The following MTDH variants were observed in gnomAD, a reference collection of about 807,000 sequenced individuals.
The protein encoded by MTDH is metadherin, also known as protein LYRIC.
Under a neutral mutation model 72.7 loss-of-function variants are expected in MTDH, and 34 were observed. That is an observed-to-expected ratio of 0.47 (90% CI 0.36 to 0.62). The LOEUF (loss-of-function observed/expected upper bound fraction) is 0.62. Among genes scored for constraint, MTDH ranks in the 20% least tolerant of loss-of-function variants. MTDH has a pLI of 0.00. For synonymous variants in MTDH, 266 were observed against 268.9 expected, an observed-to-expected ratio of 0.99 and a Z score of 0.10; for missense variants, 677 against 699.4, an observed-to-expected ratio of 0.97 and a Z score of 0.36.
Position 97,706,734 on chromosome 8 carries a change from T to C in MTDH, c.1256T>C (p.Ile419Thr). Residue 419 changes from isoleucine to threonine, a missense_variant, in exon 8 of 12, where the codon ATT (isoleucine) becomes ACT (threonine). By Grantham distance (89) the Ile-to-Thr change is moderately conservative (BLOSUM62 -1). Transcript: ENST00000336273. The part of the protein sequence containing the change: ...RASLLKSQEP[I>T]PDDQKVSDDD... Reference sequence around the variant, plus strand: ...TCACTTCTAAAGTCCCAGGAACCAATTCCTGATGATCAAAAGGTGAGTATA... The same window carrying C: ...TCACTTCTAAAGTCCCAGGAACCAACTCCTGATGATCAAAAGGTGAGTATA... 1 of 1,613,488 alleles carries C rather than the reference T, an allele frequency of 6.2e-7. No homozygotes were observed. Among genetic ancestry groups the C allele is most frequent in the Non-Finnish European group, 8.5e-7 (1 of 1,179,758 alleles).
intron 6 of MTDH, among the ~76,000 whole-genome samples, chr8:97,692,234 A>C (rs1279202322): frequency 1.3e-5 from 2 of 152,184 alleles, no homozygotes; most frequent in African/African-American, 4.8e-5. Flanking sequence ...TTGAATATGC[A>C]TGTTTATGTC....
intron 2 of MTDH, among the ~76,000 whole-genome samples, chr8:97,671,916 C>T (rs896111838): frequency 6.6e-6 from 1 of 152,218 alleles, no homozygotes; most frequent in Admixed American, 6.5e-5. Flanking sequence ...TCGTGTGACC[C>T]AGAGGTTTGA....
At chr8:97,688,184 T>C (rs1813440440) in intron 4 of MTDH, among the ~76,000 whole-genome samples, 1 of 152,202 alleles carries the variant, frequency 6.6e-6, no homozygotes, top group Admixed American at 6.5e-5. Flanking sequence ...AGCCCACTCT[T>C]TAAATTACCG....
chr8:97,716,438 C>A (rs1268869762), intron 9 of MTDH, among the ~76,000 whole-genome samples: 1 of 151,546 alleles, frequency 6.6e-6, no homozygotes, highest in Non-Finnish European at 1.5e-5. Flanking sequence ...TGCCTGTAAT[C>A]CCAGCACCTG....
intron 2 of MTDH, among the ~76,000 whole-genome samples, chr8:97,664,549 C>T (rs1812302144): frequency 6.6e-6 from 1 of 152,118 alleles, no homozygotes; most frequent in African/African-American, 2.4e-5. Context: ...CAACTCATGG[C>T]TGGTGTTCTG....
At chr8:97,713,011 G>A (rs572226905) in intron 8 of MTDH, among the ~76,000 whole-genome samples, 3 of 152,212 alleles carry the variant, frequency 2.0e-5, no homozygotes, top group South Asian at 2.1e-4. Context: ...AAATTTTAAC[G>A]CAAATTGCAC....
At chr8:97,716,459 G>A (rs1586282219) in intron 9 of MTDH, among the ~76,000 whole-genome samples, 1 of 152,234 alleles carries the variant, frequency 6.6e-6, no homozygotes, top group Middle Eastern at 3.4e-3. Context: ...TGAGGCCGAG[G>A]CGGGTGGATC....
At chr8:97,647,068 A>G (rs1811592744) in intron 1 of MTDH, among the ~76,000 whole-genome samples, 1 of 152,208 alleles carries the variant, frequency 6.6e-6, no homozygotes, top group Non-Finnish European at 1.5e-5. Context: ...AAGAAGTACA[A>G]GCTGCCGTTT....
At chr8:97,648,334 C>T (rs956489139) in intron 1 of MTDH, among the ~76,000 whole-genome samples, 3 of 151,844 alleles carry the variant, frequency 2.0e-5, no homozygotes, top group African/African-American at 7.3e-5. Flanking sequence ...ACATCTACCT[C>T]AAAGTCTGTA....
In MTDH at chr8:97,688,681, C is replaced by T. The variant is rs186840415; in HGVS notation, c.746-357C>T. Among the ~76,000 whole-genome samples, 16 of 152,242 alleles carry T rather than the reference C, an allele frequency of 1.1e-4. No homozygotes were observed. In the South Asian group the frequency reaches 1.9e-3, roughly 18 times the overall value. ...GCTTCCAGGATTGTTGAAAAGGCAG[C>T]GGGTGTTGTTGAGAGGTGGCAAAGT... On this transcript the variant is annotated intron_variant, in intron 4 of 11. Coordinates refer to ENST00000336273, the MANE Select transcript of MTDH (RefSeq NM_178812.4).
At chr8:97,694,739 A>T (rs1046801838) in intron 6 of MTDH, among the ~76,000 whole-genome samples, 1 of 152,100 alleles carries the variant, frequency 6.6e-6, no homozygotes, top group South Asian at 2.1e-4. Context: ...CCTGGGCAAC[A>T]TGGTGAAACC....
At chr8:97,679,506 C>T (rs867450672) in intron 2 of MTDH, among the ~76,000 whole-genome samples, 1 of 152,072 alleles carries the variant, frequency 6.6e-6, no homozygotes, top group Admixed American at 6.6e-5. Context: ...AAATTAGTGT[C>T]GTATTTCAGT....
intron 6 of MTDH, among the ~76,000 whole-genome samples, chr8:97,697,150 A>ATATATATATTTTTTTTT: frequency 4.4e-5 from 3 of 68,780 alleles, no homozygotes; most frequent in African/African-American, 1.8e-4. Context: ...ATATATATAT[A>ATATATATATTTTTTTTT]TTTTTTTTTT....
At chr8:97,651,152 A>G (rs1811756103) in intron 1 of MTDH, among the ~76,000 whole-genome samples, 1 of 152,192 alleles carries the variant, frequency 6.6e-6, no homozygotes, top group African/African-American at 2.4e-5. Context: ...GGGAAAGTGC[A>G]AAATTAGGTC....
intron 2 of MTDH, among the ~76,000 whole-genome samples, chr8:97,681,133 A>C (rs1813052218): frequency 6.6e-6 from 1 of 152,190 alleles, no homozygotes; most frequent in South Asian, 2.1e-4. Flanking sequence ...CAGAAAAAAA[A>C]AATGAGTACA....
Position 97,728,809 on chromosome 8 carries a change from A to G in MTDH, c.*4139A>G, listed in dbSNP as rs931853913. On this transcript the variant is annotated 3_prime_UTR_variant, in exon 12 of 12. Coordinates refer to ENST00000336273, the MANE Select transcript of MTDH (RefSeq NM_178812.4). ...AAAAAAAAGATTGTTTCTCTTTCATATTAAAGTTTGGGAAGGCAATCCAGA... is the reference window on the plus strand; with the variant it reads ...AAAAAAAAGATTGTTTCTCTTTCATGTTAAAGTTTGGGAAGGCAATCCAGA... The G allele has an allele frequency of 1.3e-5, 2 of 151,056 alleles. No homozygotes were observed. The highest frequency in any genetic ancestry group is 6.6e-5 in the Admixed American group (1 of 15,160). The allele number at this position is 151,056 out of a possible 1,614,324, so 9.4% of individuals were successfully genotyped here.
chr8:97,658,067 C>A (rs1812047651), intron 1 of MTDH, among the ~76,000 whole-genome samples: 1 of 152,076 alleles, frequency 6.6e-6, no homozygotes, highest in Non-Finnish European at 1.5e-5. Context: ...TTCCAGCAAC[C>A]CAAGAATTAT....
intron 2 of MTDH, among the ~76,000 whole-genome samples, chr8:97,675,559 C>CAAA (rs869166884): frequency 1.6e-4 from 8 of 50,942 alleles, no homozygotes; most frequent in African/African-American, 3.8e-4. Flanking sequence ...GACTCTGTCT[C>CAAA]AAAAAAAAAA....
chr8:97,712,099 A>G (rs1814662564), intron 8 of MTDH, among the ~76,000 whole-genome samples: 1 of 152,166 alleles, frequency 6.6e-6, no homozygotes, highest in South Asian at 2.1e-4. Context: ...GTGCAGTGGC[A>G]TGATCTCGGC....
Sources: gnomAD v4.1 joint callset for allele counts (sites outside exome capture counted in the v4.1 genomes callset) on GRCh38, gnomAD v4.1.1 for gene constraint, MANE v1.5 for transcripts, NCBI Gene and HGNC (gene_info 2026-07-23, HGNC 2026-07-21) for gene names.